The following CCDC60 variants were observed in gnomAD, a reference collection of about 807,000 sequenced individuals.
The protein encoded by CCDC60 is coiled-coil domain containing 60.
Under a neutral mutation model 63.5 loss-of-function variants are expected in CCDC60, and 54 were observed. The observed-to-expected ratio is 0.85, with a 90% CI of 0.68 to 1.07. CCDC60 has a LOEUF of 1.07. Among genes scored for constraint, CCDC60 ranks in the 50% least tolerant of loss-of-function variants. The probability of loss-of-function intolerance (pLI) is 0.00; values close to 1 mark genes in which losing one functional copy is unlikely to be tolerated. For missense variants in CCDC60, 651 were observed against 684.3 expected (o/e 0.95, Z 0.54); for synonymous variants, 206 against 238.8 (o/e 0.86, Z 1.27).
At chr12:119,411,348 T>A (rs1956596417) in intron 1 of CCDC60, among the ~76,000 whole-genome samples, 1 of 151,896 alleles carries the variant, frequency 6.6e-6, no homozygotes, top group East Asian at 1.9e-4. Flanking sequence ...CCTTTCTAGG[T>A]TTTATGGCTT....
intron 11 of CCDC60, among the ~76,000 whole-genome samples, chr12:119,525,203 T>C (rs971215735): frequency 1.1e-4 from 16 of 152,200 alleles, no homozygotes; most frequent in African/African-American, 3.9e-4. Context: ...CAAAGAGTCA[T>C]GCTGAACAAC....
At chr12:119,440,700 G>A (rs145964116) in intron 2 of CCDC60, among the ~76,000 whole-genome samples, 25 of 152,212 alleles carry the variant, frequency 1.6e-4, no homozygotes, top group African/African-American at 5.8e-4. Context: ...TGAGGGAGTG[G>A]GAATACAGAG....
chr12:119,416,027 G>A (rs1181125131), intron 1 of CCDC60, among the ~76,000 whole-genome samples: 1 of 152,092 alleles, frequency 6.6e-6, no homozygotes, highest in Non-Finnish European at 1.5e-5. Flanking sequence ...CTCAGATACT[G>A]GGTTTCCTTT....
intron 1 of CCDC60, among the ~76,000 whole-genome samples, chr12:119,419,749 A>C (rs1391325104): frequency 6.6e-6 from 1 of 151,990 alleles, no homozygotes; most frequent in Non-Finnish European, 1.5e-5. Context: ...CTAAGTTCTC[A>C]GTAGAGGACT....
At chr12:119,537,480 G>A (rs1406586359) in intron 13 of CCDC60, among the ~76,000 whole-genome samples, 2 of 152,230 alleles carry the variant, frequency 1.3e-5, no homozygotes, top group Non-Finnish European at 2.9e-5. Context: ...ATCCTTTGGA[G>A]GAGAAGAGGT....
chr12:119,449,544 CA>C lies in CCDC60; in HGVS notation c.170+20790del, dbSNP rs368311352. On this transcript the variant is annotated intron_variant, in intron 2 of 13. Coordinates refer to ENST00000327554, the MANE Select transcript of CCDC60 (RefSeq NM_178499.5). ...GTAAGAAGGTGCCATTATTACATGC[CA>C]AAAAAAAGGCGTGTATTTAATTAGC... 6.3e-3 allele frequency among the ~76,000 whole-genome samples: 952 copies of C among 151,302 alleles called. 12 individuals are homozygous for C. The highest frequency in any genetic ancestry group is 0.022 in the African/African-American group (888 of 41,266).
intron 1 of CCDC60, among the ~76,000 whole-genome samples, chr12:119,346,554 G>C (rs1955594727): frequency 6.6e-6 from 1 of 152,168 alleles, no homozygotes; most frequent in Non-Finnish European, 1.5e-5. Context: ...AATTTTTAAA[G>C]AATATGTTTA....
intron 2 of CCDC60, among the ~76,000 whole-genome samples, chr12:119,430,687 A>G: frequency 6.6e-6 from 1 of 151,552 alleles, no homozygotes; most frequent in Non-Finnish European, 1.5e-5. Context: ...AAAAAGTCAC[A>G]TGAGTCACAT....
chr12:119,527,358 C>A (rs1795129859), intron 11 of CCDC60, among the ~76,000 whole-genome samples: 1 of 152,076 alleles, frequency 6.6e-6, no homozygotes, highest in East Asian at 1.9e-4. Flanking sequence ...ACAACAAACC[C>A]CCGTGACACA....
At chr12:119,404,802 A>G (rs1956456622) in intron 1 of CCDC60, among the ~76,000 whole-genome samples, 1 of 152,132 alleles carries the variant, frequency 6.6e-6, no homozygotes, top group African/African-American at 2.4e-5. Context: ...AGGGCCCCTT[A>G]GAGACAAAGA....
At chr12:119,388,285 A>C (rs1177426400) in intron 1 of CCDC60, 1 of 152,246 alleles carries the variant, frequency 6.6e-6, no homozygotes, top group Non-Finnish European at 1.5e-5. Context: ...GAGGAATGAG[A>C]TGACCGTGAC....
intron 2 of CCDC60, among the ~76,000 whole-genome samples, chr12:119,465,583 C>T (rs938380712): frequency 1.4e-4 from 22 of 152,010 alleles, no homozygotes; most frequent in African/African-American, 4.1e-4. Context: ...CATGGTGAAA[C>T]CCCGTCTCTA....
intron 1 of CCDC60, among the ~76,000 whole-genome samples, chr12:119,413,311 A>AT (rs1207906670): frequency 7.9e-5 from 12 of 152,170 alleles, no homozygotes; most frequent in Admixed American, 7.9e-4. Flanking sequence ...AGGGAGGCAG[A>AT]GAAAGAGATT....
chr12:119,459,040 C>T (rs1187593015), intron 2 of CCDC60, among the ~76,000 whole-genome samples: 2 of 152,190 alleles, frequency 1.3e-5, no homozygotes, highest in South Asian at 4.1e-4. Context: ...AGGCGTGAAC[C>T]ACCACACCCG....
intron 1 of CCDC60, among the ~76,000 whole-genome samples, chr12:119,339,356 C>G (rs983681896): frequency 1.3e-5 from 2 of 152,232 alleles, no homozygotes; most frequent in African/African-American, 4.8e-5. Flanking sequence ...AGCTCTGTCT[C>G]TTAGTGTCTG....
At chr12:119,525,874 AC>A (rs1952664835) in intron 11 of CCDC60, among the ~76,000 whole-genome samples, 1 of 152,234 alleles carries the variant, frequency 6.6e-6, no homozygotes, top group Admixed American at 6.5e-5. Context: ...TTCCTATCAA[AC>A]TACCAAAAAG....
chr12:119,344,851 T>A (rs1592977916), intron 1 of CCDC60, among the ~76,000 whole-genome samples: 3 of 107,580 alleles, frequency 2.8e-5, no homozygotes, highest in African/African-American at 1.1e-4. Context: ...TCTCTCTCTC[T>A]CTCTCACACA....
intron 1 of CCDC60, among the ~76,000 whole-genome samples, chr12:119,395,346 C>T (rs932170481): frequency 6.6e-6 from 1 of 152,196 alleles, no homozygotes. Flanking sequence ...CACAGTTCCA[C>T]AGGCTGTACA....
At chr12:119,388,658 C>G (rs1319996823) in intron 1 of CCDC60, among the ~76,000 whole-genome samples, 1 of 152,172 alleles carries the variant, frequency 6.6e-6, no homozygotes, top group Non-Finnish European at 1.5e-5. Context: ...TGCAAAGTTT[C>G]TATATGTACA....
Sources: allele counts gnomAD v4.1 joint callset (sites outside exome capture counted in the v4.1 genomes callset), GRCh38; gene constraint gnomAD v4.1.1; transcripts MANE v1.5; gene names NCBI Gene and HGNC (gene_info 2026-07-23, HGNC 2026-07-21).